TRDN: variants seen among roughly 807,000 people sequenced by gnomAD.
TRDN encodes the protein triadin.
Under a neutral mutation model 149.7 loss-of-function variants are expected in TRDN, and 161 were observed. That is an observed-to-expected ratio of 1.08 (90% CI 0.95 to 1.23). The LOEUF (loss-of-function observed/expected upper bound fraction) is 1.23, where lower values mean the gene tolerates loss of function less well. Ranked by LOEUF, TRDN falls within the 50% of genes most tolerant of loss-of-function variation. The pLI, the probability that TRDN is intolerant of heterozygous loss-of-function variation, is 0.00. For synonymous variants in TRDN, 294 were observed against 250.5 expected (o/e 1.17, Z -1.64); for missense variants, 896 against 823.5 (o/e 1.09, Z -1.08).
intron 24 of TRDN, among the ~76,000 whole-genome samples, chr6:123,307,113 G>A (rs185209974): frequency 6.6e-6 from 1 of 152,126 alleles, no homozygotes; most frequent in Admixed American, 6.6e-5. Flanking sequence ...GTCATAATAA[G>A]CAAGAAAACC....
chr6:123,614,144 C>T (rs557251566), intron 1 of TRDN, among the ~76,000 whole-genome samples: 1 of 151,870 alleles, frequency 6.6e-6, no homozygotes, highest in African/African-American at 2.4e-5. Flanking sequence ...AAATCAGAAC[C>T]TGCCTTTTGA....
At chr6:123,560,206 C>A (rs1305482288) in intron 2 of TRDN, among the ~76,000 whole-genome samples, 2 of 152,122 alleles carry the variant, frequency 1.3e-5, no homozygotes, top group African/African-American at 4.8e-5. Flanking sequence ...CTCATAACTT[C>A]CAAAATCTAT....
chr6:123,356,937 C>T (rs1472240948), intron 20 of TRDN, among the ~76,000 whole-genome samples: 2 of 151,258 alleles, frequency 1.3e-5, no homozygotes, highest in African/African-American at 4.8e-5. Flanking sequence ...AATATTTTGA[C>T]TTTTCCTGTT....
intron 9 of TRDN, among the ~76,000 whole-genome samples, chr6:123,469,262 T>A (rs1044329858): frequency 6.6e-6 from 1 of 152,186 alleles, no homozygotes; most frequent in South Asian, 2.1e-4. Context: ...CATGTGATTG[T>A]GCTAAGGTTG....
rs532897830 is a variant in TRDN at position 123,632,902 on chromosome 6, A to G, written c.22+3852T>C. Among the ~76,000 whole-genome samples the G allele has an allele frequency of 7.3e-4, 111 of 151,354 alleles. 1 individual carries two copies. The South Asian group carries it at 0.011, about 15-fold the overall frequency. Reference sequence around the variant, plus strand: ...AATAGTGAGTAATCTTGTGCTGCAGACTCTATGGGAGTAATGCAGTGTGTA... The same window carrying G: ...AATAGTGAGTAATCTTGTGCTGCAGGCTCTATGGGAGTAATGCAGTGTGTA... On this transcript the variant is annotated intron_variant, in intron 1 of 40. Transcript: ENST00000334268.
At chr6:123,354,142 C>T (rs1359220919) in intron 20 of TRDN, among the ~76,000 whole-genome samples, 1 of 151,666 alleles carries the variant, frequency 6.6e-6, no homozygotes, top group East Asian at 1.9e-4. Flanking sequence ...TATCAAATTC[C>T]CTTGAAGGGC....
chr6:123,482,648 A>G (rs1777796648), intron 9 of TRDN, among the ~76,000 whole-genome samples: 1 of 152,224 alleles, frequency 6.6e-6, no homozygotes, highest in Admixed American at 6.5e-5. Flanking sequence ...CAACCAATAT[A>G]TAAGAGAATA....
At chr6:123,435,486 C>A (rs1296573111) in intron 12 of TRDN, among the ~76,000 whole-genome samples, 1 of 143,450 alleles carries the variant, frequency 7.0e-6, no homozygotes, top group African/African-American at 2.6e-5. Flanking sequence ...AACTGAAACT[C>A]AATCTCTCTG....
At chr6:123,230,449 G>A (rs576008696) in intron 38 of TRDN, among the ~76,000 whole-genome samples, 18 of 151,792 alleles carry the variant, frequency 1.2e-4, no homozygotes, top group Non-Finnish European at 1.9e-4. Flanking sequence ...TGACGAGTTA[G>A]TGGGTGCAGC....
intron 2 of TRDN, among the ~76,000 whole-genome samples, chr6:123,556,729 T>C (rs1431066182): frequency 6.6e-6 from 1 of 152,040 alleles, no homozygotes; most frequent in Admixed American, 6.6e-5. Flanking sequence ...TTCTGGATAA[T>C]ACCAATATTA....
At chr6:123,467,398 C>G (rs906709087) in intron 9 of TRDN, among the ~76,000 whole-genome samples, 1 of 151,492 alleles carries the variant, frequency 6.6e-6, no homozygotes, top group Non-Finnish European at 1.5e-5. Flanking sequence ...GCATAAAGTG[C>G]AATATGCAGT....
At chr6:123,290,822 G>A (rs1005172590) in intron 24 of TRDN, among the ~76,000 whole-genome samples, 1 of 152,154 alleles carries the variant, frequency 6.6e-6, no homozygotes, top group Non-Finnish European at 1.5e-5. Flanking sequence ...GAGGGAACCA[G>A]TGAGTGAAAA....
At chr6:123,602,859 A>G (rs1252310187) in intron 1 of TRDN, among the ~76,000 whole-genome samples, 1 of 152,080 alleles carries the variant, frequency 6.6e-6, no homozygotes, top group East Asian at 1.9e-4. Flanking sequence ...AACAAAGTAA[A>G]AACAACTTAA....
intron 21 of TRDN, among the ~76,000 whole-genome samples, chr6:123,342,444 TA>T (rs1780099674): frequency 6.6e-6 from 1 of 151,924 alleles, no homozygotes; most frequent in South Asian, 2.1e-4. Flanking sequence ...TAAATTAAGA[TA>T]ATAACTTTAT....
chr6:123,625,418 G>A (rs1290301873), intron 1 of TRDN, among the ~76,000 whole-genome samples: 3 of 151,976 alleles, frequency 2.0e-5, no homozygotes, highest in Admixed American at 6.6e-5. Context: ...TATTAAATGT[G>A]CAATAACATT....
chr6:123,548,871 A>G (rs551550749), intron 2 of TRDN, among the ~76,000 whole-genome samples: 1 of 152,160 alleles, frequency 6.6e-6, no homozygotes, highest in African/African-American at 2.4e-5. Flanking sequence ...AAAATTAGGA[A>G]TGAATTAAAA....
chr6:123,352,932 G>A (rs1780522726), intron 20 of TRDN, among the ~76,000 whole-genome samples: 1 of 151,738 alleles, frequency 6.6e-6, no homozygotes, highest in African/African-American at 2.4e-5. Flanking sequence ...TTAGTGTCTT[G>A]TAAATGTCAA....
At chr6:123,287,012 T>C (rs1374291445) in intron 24 of TRDN, among the ~76,000 whole-genome samples, 1 of 152,146 alleles carries the variant, frequency 6.6e-6, no homozygotes, top group African/African-American at 2.4e-5. Flanking sequence ...TCTGAAGGGA[T>C]AAAATCATCA....
chr6:123,552,829 A>G (rs771159302), intron 2 of TRDN, among the ~76,000 whole-genome samples: 1 of 152,228 alleles, frequency 6.6e-6, no homozygotes, highest in South Asian at 2.1e-4. Context: ...AACTTTTGCC[A>G]TGTCTATAAA....
Sources: gnomAD v4.1 joint callset for allele counts (sites outside exome capture counted in the v4.1 genomes callset) on GRCh38, gnomAD v4.1.1 for gene constraint, MANE v1.5 for transcripts, NCBI Gene and HGNC (gene_info 2026-07-23, HGNC 2026-07-21) for gene names.